Variants in HLTF observed in about 807,000 individuals in gnomAD.
The protein encoded by HLTF is DNA-dependent ATPase/E3 ubiquitin-protein ligase HLTF.
Under a neutral mutation model 129.4 loss-of-function variants are expected in HLTF, and 127 were observed. The ratio of observed to expected loss-of-function variants is 0.98; its 90% confidence interval spans 0.85 to 1.14. HLTF has a LOEUF of 1.14. Among genes scored for constraint, HLTF ranks in the 50% most tolerant of loss-of-function variants. HLTF has a pLI of 0.00. For synonymous variants in HLTF, 332 were observed against 388.8 expected (o/e 0.85, Z 1.72); for missense variants, 1,139 against 1,187.1 (o/e 0.96, Z 0.60).
intron 10 of HLTF, among the ~76,000 whole-genome samples, chr3:149,061,784 C>T (rs1396762623): frequency 2.7e-5 from 4 of 148,462 alleles, no homozygotes; most frequent in Admixed American, 6.8e-5. Flanking sequence ...TGCAGTGAGC[C>T]GAGATCATGC....
At chr3:149,059,696 G>C in intron 13 of HLTF, 22 bp downstream of exon 13, 2 of 1,428,286 alleles carry the variant, frequency 1.4e-6, no homozygotes, top group Non-Finnish European at 1.9e-6. Flanking sequence ...CCAAAAACTA[G>C]AAAACAAGGA....
chr3:149,059,863 T>C, intron 12 of HLTF, 56 bp from the exon 13 acceptor site: 7 of 994,712 alleles, frequency 7.0e-6, no homozygotes, highest in East Asian at 2.4e-5. Flanking sequence ...TGTGCTAGAG[T>C]ACAGGTACTT....
At chr3:149,060,039 G>T (rs1397418989) in intron 12 of HLTF, among the ~76,000 whole-genome samples, 1 of 152,138 alleles carries the variant, frequency 6.6e-6, no homozygotes, top group African/African-American at 2.4e-5. Flanking sequence ...GAGAAGAAAT[G>T]AAAGTAGGAG....
chr3:149,049,590 A>G (rs775062484), intron 15 of HLTF, among the ~76,000 whole-genome samples: 1 of 152,268 alleles, frequency 6.6e-6, no homozygotes, highest in African/African-American at 2.4e-5. Context: ...AATCATTGTG[A>G]TAGAAAACAA....
chr3:149,031,988 T>C lies in HLTF; in HGVS notation c.*232A>G. 3.3e-6 allele frequency: 1 copy of C among 300,584 alleles called. No individual in the cohort carries two copies. The highest frequency in any genetic ancestry group is 6.0e-6 in the Non-Finnish European group (1 of 166,550). The allele number at this position is 300,584 out of a possible 1,614,324, so 18.6% of individuals were successfully genotyped here. ...AAAGCTGAATAACAAAGTAACCTTT[T>C]TTCTCAAATTATTTCAGGCCACAGT... On this transcript the variant is annotated 3_prime_UTR_variant, in exon 25 of 25. Transcript: ENST00000310053.
intron 13 of HLTF, among the ~76,000 whole-genome samples, chr3:149,056,880 C>T (rs966703726): frequency 5.3e-5 from 8 of 151,764 alleles, no homozygotes; most frequent in Non-Finnish European, 8.8e-5. Flanking sequence ...GAGGCCGAGG[C>T]GGGCGGATCA....
chr3:149,030,479 C>CT lies in HLTF; in HGVS notation c.*1740dup, dbSNP rs1353636369. On this transcript the variant is annotated 3_prime_UTR_variant, in exon 25 of 25. Coordinates refer to ENST00000310053, the MANE Select transcript of HLTF (RefSeq NM_003071.4). ...TGTCTGGGCAAAGAAGCAAGCTGTC[C>CT]TCCCTTTACCTTCATAGTGAGTTTG... is the stretch of plus-strand genomic sequence containing the variant. The CT allele has an allele frequency of 6.8e-6, 1 of 147,892 alleles. No individual in the cohort carries two copies. The highest frequency in any genetic ancestry group is 2.0e-4 in the East Asian group (1 of 4,934). 9.2% of individuals were successfully genotyped at this position (147,892 alleles called of 1,614,324 possible).
At position 149,068,162 on chromosome 3, in the gene HLTF, G is replaced by GT. The variant is rs796690144; in HGVS notation, c.990+77dup. Reference sequence around the variant, plus strand: ...TTTCTGAAAACACAATTTCTTGGTAGTTTTTTTTAATGATGAAATTTAAAG... The same window carrying GT: ...TTTCTGAAAACACAATTTCTTGGTAGTTTTTTTTTAATGATGAAATTTAAAG... On this transcript the variant is annotated intron_variant, in intron 8 of 24. Coordinates refer to ENST00000310053, the MANE Select transcript of HLTF (RefSeq NM_003071.4). 7.8e-4 allele frequency: 478 copies of GT among 615,148 alleles called. 1 individual carries two copies. The highest frequency in any genetic ancestry group is 1.2e-3 in the South Asian group (49 of 41,614). 38.1% of individuals were successfully genotyped at this position (615,148 alleles called of 1,614,324 possible).
At chr3:149,045,066 T>C (rs1042072346) in intron 18 of HLTF, among the ~76,000 whole-genome samples, 1 of 152,166 alleles carries the variant, frequency 6.6e-6, no homozygotes, top group African/African-American at 2.4e-5. Context: ...GCCAAAGTCC[T>C]TGACATATGC....
At chr3:149,032,972 A>C (rs939327138) in intron 24 of HLTF, among the ~76,000 whole-genome samples, 36 of 142,090 alleles carry the variant, frequency 2.5e-4, no homozygotes, top group East Asian at 2.0e-4. Context: ...AAAAAAAAAA[A>C]AAAAACAAAA....
In HLTF at chr3:149,059,812, TAAAAC is replaced by T; in HGVS notation, c.1286-10_1286-6del. ...CTATAACCTTAGAAGATCCTGCTGATAAAACAACAAAGAATCTTAAATTTTTTTCA... is the reference window on the plus strand; with the variant it reads ...CTATAACCTTAGAAGATCCTGCTGATAACAAAGAATCTTAAATTTTTTTCA... On this transcript the variant is annotated splice_polypyrimidine_tract_variant and splice_region_variant and intron_variant, in intron 12 of 24. Transcript: ENST00000310053. 1 of 1,578,208 alleles carries T rather than the reference TAAAAC, an allele frequency of 6.3e-7. No individual in the cohort carries two copies. Among genetic ancestry groups the T allele is most frequent in the East Asian group, 2.3e-5 (1 of 44,186 alleles).
intron 13 of HLTF, among the ~76,000 whole-genome samples, chr3:149,055,677 C>T (rs916662297): frequency 3.3e-5 from 5 of 152,078 alleles, no homozygotes; most frequent in Non-Finnish European, 5.9e-5. Context: ...TTCATTAAGA[C>T]GAACATTTGT....
At position 149,048,154 on chromosome 3, in the gene HLTF, A is replaced by G; in HGVS notation, c.1766T>C (p.Ile589Thr). ...CCACAAGTCCTTTAAAGAATTCTGGATTGGAGTACCTAGAAATAACAGGAA... is the reference window on the plus strand; with the variant it reads ...CCACAAGTCCTTTAAAGAATTCTGGGTTGGAGTACCTAGAAATAACAGGAA... Reference protein sequence around the residue: ...ERRWVLTGTPIQNSLKDLWSL... With the variant: ...ERRWVLTGTPTQNSLKDLWSL... Residue 589 changes from isoleucine (I) to threonine (T), a missense_variant, in exon 17 of 25, where the codon ATC becomes ACC. Physicochemically the swap from Ile to Thr is moderately conservative, Grantham distance 89. Transcript: ENST00000310053. 1 of 1,605,972 alleles carries G rather than the reference A, an allele frequency of 6.2e-7. No homozygotes were observed. The highest frequency in any genetic ancestry group is 8.5e-7 in the Non-Finnish European group (1 of 1,177,090).
At position 149,085,582 on chromosome 3, in the gene HLTF, CAGA is replaced by C. The variant is rs535109581; in HGVS notation, c.21-696_21-694del. 1.0e-3 allele frequency among the ~76,000 whole-genome samples: 158 copies of C among 152,138 alleles called. 1 individual carries two copies. Among genetic ancestry groups the C allele is most frequent in the Middle Eastern group, 3.4e-3 (1 of 292 alleles). On this transcript the variant is annotated intron_variant, in intron 1 of 24. Transcript: ENST00000310053. ...TATAAAAATACAACTATTAATGTAC[CAGA>C]AGTTGTTTATAATTTTCCAGAAAAT...
Position 149,055,402 on chromosome 3 carries a change from T to C in HLTF, c.1376-2A>G. On this transcript the variant is annotated splice_acceptor_variant, in intron 13 of 24. Coordinates refer to ENST00000310053, the MANE Select transcript of HLTF (RefSeq NM_003071.4). LOFTEE classifies it high-confidence loss of function. The stretch of plus-strand genomic sequence containing the variant: ...TTGACCCCTCCACTGCACAAGCTCC[T>C]AAAAAAATGAACCACTGATAGAACC... The C allele has an allele frequency of 6.2e-7, 1 of 1,606,002 alleles. No individual in the cohort carries two copies. Among genetic ancestry groups the C allele is most frequent in the Non-Finnish European group, 8.5e-7 (1 of 1,173,042 alleles).
At chr3:149,063,989 A>G (rs545484419) in intron 9 of HLTF, among the ~76,000 whole-genome samples, 19 of 152,270 alleles carry the variant, frequency 1.2e-4, no homozygotes, top group African/African-American at 4.6e-4. Context: ...CTTTGCCTAG[A>G]TTATAACTCC....
chr3:149,070,501 C>T (rs1409283445), intron 7 of HLTF, among the ~76,000 whole-genome samples: 3 of 152,196 alleles, frequency 2.0e-5, no homozygotes, highest in Non-Finnish European at 4.4e-5. Flanking sequence ...CTGCCTAATA[C>T]TATAACTACT....
chr3:149,039,464 C>A lies in HLTF; in HGVS notation c.2615+117G>T. The A allele has an allele frequency of 4.8e-6, 3 of 620,434 alleles. 1 individual carries two copies. In the South Asian group the frequency reaches 8.5e-5, roughly 18 times the overall value. 38.4% of individuals were successfully genotyped at this position (620,434 alleles called of 1,614,324 possible). ...TATTCTCTATTGTGACTCTGAATATCTTTCAGATAAAATGACTAAAACTGG... is the reference window on the plus strand; with the variant it reads ...TATTCTCTATTGTGACTCTGAATATATTTCAGATAAAATGACTAAAACTGG... On this transcript the variant is annotated intron_variant, in intron 22 of 24. Transcript: ENST00000310053.
chr3:149,086,437 G>C lies in HLTF; in HGVS notation c.-101C>G. The C allele has an allele frequency of 7.1e-7, 1 of 1,408,510 alleles. No homozygotes were observed. Among genetic ancestry groups the C allele is most frequent in the Non-Finnish European group, 9.8e-7 (1 of 1,024,938 alleles). 87.3% of individuals were successfully genotyped at this position (1,408,510 alleles called of 1,614,324 possible). A position where few individuals can be genotyped will look rare whatever the true frequency, so the allele number is the denominator to read the frequency against. On this transcript the variant is annotated 5_prime_UTR_variant, in exon 1 of 25. Coordinates refer to ENST00000310053, the MANE Select transcript of HLTF (RefSeq NM_003071.4). ...CCAGGCCCCGCAGCCCTGAAGCCGG[G>C]GACAAATTCCGAGCGCCGGATCAGG...
Sources: allele counts gnomAD v4.1 joint callset (sites outside exome capture counted in the v4.1 genomes callset), GRCh38; gene constraint gnomAD v4.1.1; transcripts MANE v1.5; gene names NCBI Gene and HGNC (gene_info 2026-07-23, HGNC 2026-07-21).